TDRD3: variants seen among roughly 807,000 people sequenced by gnomAD.
TDRD3 encodes the protein tudor domain containing 3.
TDRD3 carries 45 observed loss-of-function variants against 86.7 expected under a neutral mutation model. The ratio of observed to expected loss-of-function variants is 0.52; its 90% CI spans 0.41 to 0.67. The LOEUF is 0.67. TDRD3 is among the 30% of genes least tolerant of loss of function. The pLI is 0.00. For synonymous variants in TDRD3, 298 were observed against 301.7 expected (o/e 0.99, Z 0.13); for missense variants, 814 against 889.0 (o/e 0.92, Z 1.07).
intron 10 of TDRD3, among the ~76,000 whole-genome samples, chr13:60,512,908 G>T (rs1480753540): frequency 2.6e-5 from 4 of 152,154 alleles, no homozygotes; most frequent in Non-Finnish European, 5.9e-5. Flanking sequence ...GAGGATGGTG[G>T]CCCTCTTCTT....
chr13:60,515,967 TA>T (rs1366353375), intron 10 of TDRD3, among the ~76,000 whole-genome samples: 1 of 152,230 alleles, frequency 6.6e-6, no homozygotes, highest in African/African-American at 2.4e-5. Context: ...GTTTAATGGT[TA>T]AATGCATTAT....
At chr13:60,567,682 T>C (rs765973733) in intron 13 of TDRD3, 32 bp downstream of exon 13, 2 of 1,602,910 alleles carry the variant, frequency 1.2e-6, no homozygotes, top group South Asian at 2.2e-5. Flanking sequence ...GGTTTTCATA[T>C]AAAGAAAGAT....
chr13:60,504,125 T>C (rs996102205), intron 8 of TDRD3, among the ~76,000 whole-genome samples: 2 of 152,232 alleles, frequency 1.3e-5, no homozygotes, highest in Non-Finnish European at 2.9e-5. Flanking sequence ...TATAATTTGC[T>C]TAATTACCTC....
At chr13:60,548,234 AGCCCACC>A (rs1957975629) in intron 12 of TDRD3, among the ~76,000 whole-genome samples, 1 of 152,186 alleles carries the variant, frequency 6.6e-6, no homozygotes, top group African/African-American at 2.4e-5. Flanking sequence ...ATTAAGTCCT[AGCCCACC>A]CTCAGCCAAA....
At chr13:60,482,612 G>A (rs1956340749) in intron 5 of TDRD3, among the ~76,000 whole-genome samples, 1 of 152,106 alleles carries the variant, frequency 6.6e-6, no homozygotes, top group South Asian at 2.1e-4. Context: ...ATTAAGGAAA[G>A]GGCCTCTTGA....
rs1958639244 is a variant in TDRD3, at chr13:60,573,663, C to T, written c.*57C>T. 1.0e-6 allele frequency: 1 copy of T among 984,878 alleles called. No homozygotes were observed. Among genetic ancestry groups the T allele is most frequent in the Non-Finnish European group, 1.2e-6 (1 of 829,574 alleles). 61.0% of individuals were successfully genotyped at this position (984,878 alleles called of 1,614,324 possible). ...AGTGACTGAAACACCCTGGTGGAAA[C>T]CTGTTGACAGACCTTCCACTTTCTC... is the stretch of plus-strand genomic sequence containing the variant. On this transcript the variant is annotated 3_prime_UTR_variant, in exon 14 of 14. Coordinates refer to ENST00000377881, the MANE Select transcript of TDRD3 (RefSeq NM_001146070.2).
chr13:60,509,584 A>C (rs1255484019), intron 8 of TDRD3, 179 bp from the exon 9 acceptor site: 5 of 731,856 alleles, frequency 6.8e-6, no homozygotes, highest in Non-Finnish European at 1.1e-5. Context: ...ACAACCCCAC[A>C]TATCATACAG....
Position 60,449,496 on chromosome 13 carries a change from T to C in TDRD3, c.192+4748T>C, listed in dbSNP as rs550272528. 1.8e-3 allele frequency among the ~76,000 whole-genome samples: 276 copies of C among 152,232 alleles called. 3 individuals are homozygous for C. The South Asian group carries it at 0.018, about 10-fold the overall frequency. ...GAATAGAAATGTGGAAATTGTCAAA[T>C]GATACACTGGGAAAAGTGTTGCTTT... On this transcript the variant is annotated intron_variant, in intron 3 of 13. Transcript: ENST00000377881.
intron 10 of TDRD3, among the ~76,000 whole-genome samples, chr13:60,512,003 A>G (rs1397926364): frequency 7.5e-4 from 114 of 151,846 alleles, no homozygotes; most frequent in Non-Finnish European, 7.4e-5. Context: ...CTGTCCCCTT[A>G]CATTTGCTTT....
At chr13:60,540,403 C>T (rs992393642) in intron 12 of TDRD3, among the ~76,000 whole-genome samples, 2 of 152,150 alleles carry the variant, frequency 1.3e-5, no homozygotes, top group African/African-American at 4.8e-5. Context: ...TCATCTATCA[C>T]CCAGCCTTTT....
intron 11 of TDRD3, among the ~76,000 whole-genome samples, chr13:60,534,621 C>A (rs1337884770): frequency 2.0e-5 from 3 of 151,442 alleles, no homozygotes; most frequent in Middle Eastern, 3.4e-3. Flanking sequence ...GTTATATATT[C>A]TGATTAGTAT....
At chr13:60,439,538 T>C in intron 1 of TDRD3, 150 bp from the exon 2 acceptor site, 1 of 607,288 alleles carries the variant, frequency 1.6e-6, no homozygotes, top group Non-Finnish European at 2.8e-6. Context: ...TAAGACATAG[T>C]AAATAAACAG....
chr13:60,527,288 A>G (rs1429655756), intron 10 of TDRD3, among the ~76,000 whole-genome samples: 1 of 152,170 alleles, frequency 6.6e-6, no homozygotes, highest in Non-Finnish European at 1.5e-5. Flanking sequence ...GATAGTCAAC[A>G]TCCCTGGGGA....
In TDRD3 at chr13:60,494,419, T is replaced by C. The variant is rs1956668024; in HGVS notation, c.718-16T>C. ...GCTGTCTACATACCTCTCTTTTATCTTTCTCTTATGTAAAGACCAAGACAT... is the reference window on the plus strand; with the variant it reads ...GCTGTCTACATACCTCTCTTTTATCCTTCTCTTATGTAAAGACCAAGACAT... On this transcript the variant is annotated splice_polypyrimidine_tract_variant and intron_variant, in intron 7 of 13. Coordinates refer to ENST00000377881, the MANE Select transcript of TDRD3 (RefSeq NM_001146070.2). 1.2e-6 allele frequency: 2 copies of C among 1,603,854 alleles called. No homozygotes were observed. The highest frequency in any genetic ancestry group is 1.3e-5 in the African/African-American group (1 of 74,630).
At chr13:60,475,890 GT>G (rs1395651389) in intron 5 of TDRD3, among the ~76,000 whole-genome samples, 1 of 152,066 alleles carries the variant, frequency 6.6e-6, no homozygotes, top group Non-Finnish European at 1.5e-5. Context: ...TAATGAGGTT[GT>G]TTTTTGCTTG....
intron 12 of TDRD3, among the ~76,000 whole-genome samples, chr13:60,546,031 A>G (rs147787584): frequency 8.5e-5 from 13 of 152,202 alleles, no homozygotes; most frequent in African/African-American, 3.1e-4. Context: ...ACTCAGGACT[A>G]GTGCTCAAAT....
intron 8 of TDRD3, among the ~76,000 whole-genome samples, chr13:60,495,263 T>C (rs1956688200): frequency 6.6e-6 from 1 of 152,176 alleles, no homozygotes; most frequent in African/African-American, 2.4e-5. Context: ...CATTTGTGGG[T>C]ATTTCCATGA....
chr13:60,490,822 T>C (rs954871147), intron 7 of TDRD3, among the ~76,000 whole-genome samples: 5 of 151,944 alleles, frequency 3.3e-5, no homozygotes, highest in Non-Finnish European at 7.4e-5. Context: ...AGATGTGGTA[T>C]CAAGAATGAA....
At chr13:60,400,364 T>C (rs1954060620) in intron 1 of TDRD3, among the ~76,000 whole-genome samples, 1 of 152,346 alleles carries the variant, frequency 6.6e-6, no homozygotes, top group African/African-American at 2.4e-5. Flanking sequence ...TTTTGAATTT[T>C]TCTCTTCCAT....
Sources: gnomAD v4.1 joint callset for allele counts (sites outside exome capture counted in the v4.1 genomes callset) on GRCh38, gnomAD v4.1.1 for gene constraint, MANE v1.5 for transcripts, NCBI Gene and HGNC (gene_info 2026-07-23, HGNC 2026-07-21) for gene names.